PLAGL1: variants seen among roughly 807,000 people sequenced by gnomAD.
PLAGL1 encodes zinc finger protein PLAGL1.
Under a neutral mutation model 4.6 loss-of-function variants are expected in PLAGL1, and 1 was observed. That is an observed-to-expected ratio of 0.22 (90% CI 0.08 to 1.03). The LOEUF is 1.03. Ranked by LOEUF, PLAGL1 falls within the 50% of genes least tolerant of loss-of-function variation. The pLI is 0.58. For synonymous variants in PLAGL1, 240 were observed against 237.8 expected (o/e 1.01, Z -0.08); for missense variants, 464 against 570.4 (o/e 0.81, Z 1.90).
In PLAGL1 at chr6:144,048,510, C is replaced by T. The variant is rs1368785886; in HGVS notation, c.-151+15958G>A. Among the ~76,000 whole-genome samples the T allele has an allele frequency of 6.6e-6, 1 of 152,238 alleles. No homozygotes were observed. Among genetic ancestry groups the T allele is most frequent in the East Asian group, 1.9e-4 (1 of 5,206 alleles). On this transcript the variant is annotated intron_variant, in intron 1 of 3. Transcript: ENST00000437412. This position sits in a 1 kb window ranked among gnomAD's most constrained non-coding sequence, Gnocchi z 4.8. Reference sequence around the variant, plus strand: ...GAGGTTCCCAAACCTTGATTCTTGACTTCTGTGCACCCTCAGACCCAACAC... The same window carrying T: ...GAGGTTCCCAAACCTTGATTCTTGATTTCTGTGCACCCTCAGACCCAACAC...
intron 1 of PLAGL1, among the ~76,000 whole-genome samples, chr6:144,017,231 A>G (rs190411306): frequency 5.9e-5 from 9 of 152,254 alleles, no homozygotes; most frequent in East Asian, 1.9e-4. Context: ...CTTCTGGCCA[A>G]ACTACCTCTT....
rs377306571 is a variant in PLAGL1 at position 143,941,986 on chromosome 6, G to A, written c.830C>T (p.Pro277Leu). 2.4e-5 allele frequency: 38 copies of A among 1,592,700 alleles called. No homozygotes were observed. Among genetic ancestry groups the A allele is most frequent in the East Asian group, 1.6e-4 (7 of 44,692 alleles). ...PPEQAAQPMQ[P>L]LPESLASLHP... ...GAGGGAGGCCAGGGACTCTGGCAGC[G>A]GCTGCATAGGCTGGGCGGCTTGTTC... The change falls in exon 8 of 8, where the codon CCG (proline) becomes CTG (leucine). Residue 277 changes from proline (P) to leucine (L), a missense_variant. Transcript: ENST00000674357. This position sits in a 1 kb window ranked among gnomAD's most constrained non-coding sequence, Gnocchi z 6.0.
rs773142150 is a variant in PLAGL1 at position 144,061,205 on chromosome 6, A to G, written c.-151+3263T>C. The stretch of plus-strand genomic sequence containing the variant: ...CACAACAGCCAGAAGAGAGCCAACC[A>G]TAGCATGGAGCAGAAGAAACACGCA... On this transcript the variant is annotated intron_variant, in intron 1 of 3. Transcript: ENST00000437412. This position sits in a 1 kb window ranked among gnomAD's most constrained non-coding sequence, Gnocchi z 4.4. 6.6e-6 allele frequency among the ~76,000 whole-genome samples: 1 copy of G among 152,258 alleles called. No individual in the cohort carries two copies. Among genetic ancestry groups the G allele is most frequent in the Non-Finnish European group, 1.5e-5 (1 of 68,036 alleles).
At chr6:143,992,870 C>T (rs1790769299) in intron 1 of PLAGL1, among the ~76,000 whole-genome samples, 1 of 151,304 alleles carries the variant, frequency 6.6e-6, no homozygotes, top group South Asian at 2.1e-4. Context: ...CCCAGCTACT[C>T]GGGAAGCTGA....
At position 143,962,273 on chromosome 6, in the gene PLAGL1, T is replaced by C. The variant is rs1313585255; in HGVS notation, c.-398-1731A>G. Among the ~76,000 whole-genome samples the C allele has an allele frequency of 6.6e-6, 1 of 152,228 alleles. No individual in the cohort carries two copies. The highest frequency in any genetic ancestry group is 1.9e-4 in the East Asian group (1 of 5,200). The stretch of plus-strand genomic sequence containing the variant: ...ACATCTCAGTTTGACAGGATGCTAC[T>C]TGCAGATTGCTTTTCAGGTCAGAAT... On this transcript the variant is annotated intron_variant, in intron 5 of 7. Transcript: ENST00000674357. This position sits in a 1 kb window ranked among gnomAD's most constrained non-coding sequence, Gnocchi z 5.3.
chr6:144,039,448 T>G lies in PLAGL1; in HGVS notation c.-151+25020A>C, dbSNP rs1797546648. Among the ~76,000 whole-genome samples the G allele has an allele frequency of 1.3e-5, 2 of 152,126 alleles. No individual in the cohort carries two copies. The highest frequency in any genetic ancestry group is 4.1e-4 in the South Asian group (2 of 4,826). On this transcript the variant is annotated intron_variant, in intron 1 of 3. Transcript: ENST00000437412. The surrounding 1 kb of genome is among the most constrained non-coding windows in gnomAD (Gnocchi z 4.1). ...AAAAAATACAAAAATTAGCTGGGCA[T>G]GTTGGCACATGCTTGTAATCCCAGC...
intron 1 of PLAGL1, among the ~76,000 whole-genome samples, chr6:144,029,408 A>G (rs1055247501): frequency 2.6e-5 from 4 of 152,246 alleles, no homozygotes; most frequent in Admixed American, 2.0e-4. Context: ...TTCACAATAA[A>G]GGGCTAATTT....
chr6:144,054,584 A>G (rs1022186348), intron 1 of PLAGL1, among the ~76,000 whole-genome samples: 3 of 152,126 alleles, frequency 2.0e-5, no homozygotes, highest in East Asian at 1.9e-4. Flanking sequence ...AACAACACAC[A>G]CTGTGGCCTG....
At chr6:144,033,348 A>C (rs1796972760) in intron 1 of PLAGL1, among the ~76,000 whole-genome samples, 1 of 152,246 alleles carries the variant, frequency 6.6e-6, no homozygotes, top group African/African-American at 2.4e-5. Flanking sequence ...TCAGGGCAGC[A>C]ATAGAAAACT....
chr6:144,021,349 C>T (rs1272658107), intron 1 of PLAGL1, among the ~76,000 whole-genome samples: 1 of 152,146 alleles, frequency 6.6e-6, no homozygotes, highest in Non-Finnish European at 1.5e-5. Flanking sequence ...ATTGGGCTAA[C>T]ATTAACATCT....
In PLAGL1 at chr6:143,972,026, G is replaced by C. The variant is rs1321643497; in HGVS notation, c.-543-3048C>G. Among the ~76,000 whole-genome samples the C allele has an allele frequency of 6.6e-6, 1 of 152,198 alleles. No homozygotes were observed. The highest frequency in any genetic ancestry group is 2.4e-5 in the African/African-American group (1 of 41,446). Reference sequence around the variant, plus strand: ...GACAAACTTGCTAAAGCAAAAAAGGGCATAATAGTTCTCTGCAGAGGAAGA... The same window carrying C: ...GACAAACTTGCTAAAGCAAAAAAGGCCATAATAGTTCTCTGCAGAGGAAGA... On this transcript the variant is annotated intron_variant, in intron 2 of 7. Transcript: ENST00000674357. The surrounding 1 kb of genome is among the most constrained non-coding windows in gnomAD (Gnocchi z 6.8).
intron 1 of PLAGL1, among the ~76,000 whole-genome samples, chr6:144,038,297 T>G (rs996123493): frequency 3.3e-5 from 5 of 152,238 alleles, no homozygotes; most frequent in African/African-American, 9.6e-5. Flanking sequence ...CTATCAAGAT[T>G]TTGGTTAATT....
At position 143,966,819 on chromosome 6, in the gene PLAGL1, C is replaced by T. The variant is rs1407844830; in HGVS notation, c.-471-621G>A. 6.6e-6 allele frequency: 1 copy of T among 152,180 alleles called. No homozygotes were observed. The highest frequency in any genetic ancestry group is 1.5e-5 in the Non-Finnish European group (1 of 68,028). The allele number at this position is 152,180 out of a possible 1,614,324, so 9.4% of individuals were successfully genotyped here. A position where few individuals can be genotyped will look rare whatever the true frequency, so the allele number is the denominator to read the frequency against. ...CTCCTATGTTATGATCCCCGCCTCC[C>T]TTCATCCCCCACTGCTTTCATTTTA... On this transcript the variant is annotated intron_variant, in intron 3 of 7. Coordinates refer to ENST00000674357, the MANE Select transcript of PLAGL1 (RefSeq NM_001317162.2). This position sits in a 1 kb window ranked among gnomAD's most constrained non-coding sequence, Gnocchi z 6.0.
In PLAGL1 at chr6:144,064,568, G is replaced by A. The variant is rs1466550906; in HGVS notation, c.-251C>T. ...GGGTCCGGGCGGCCGCTGGGCGTGC[G>A]GCGCAGCTCCGACTCGGCGGCGCGG... On this transcript the variant is annotated 5_prime_UTR_variant, in exon 1 of 4. Transcript: ENST00000437412. The surrounding 1 kb of genome is among the most constrained non-coding windows in gnomAD (Gnocchi z 6.8). 1.3e-5 allele frequency: 2 copies of A among 152,192 alleles called. No homozygotes were observed. Among genetic ancestry groups the A allele is most frequent in the African/African-American group, 2.4e-5 (1 of 41,446 alleles). 9.4% of individuals were successfully genotyped at this position (152,192 alleles called of 1,614,324 possible).
chr6:144,027,283 G>C lies in PLAGL1; in HGVS notation c.-151+37185C>G. Among the ~76,000 whole-genome samples, 1 of 146,176 alleles carries C rather than the reference G, an allele frequency of 6.8e-6. No individual in the cohort carries two copies. Among genetic ancestry groups the C allele is most frequent in the East Asian group, 1.9e-4 (1 of 5,134 alleles). On this transcript the variant is annotated intron_variant, in intron 1 of 3. Coordinates refer to the PLAGL1 transcript ENST00000437412. This position sits in a 1 kb window ranked among gnomAD's most constrained non-coding sequence, Gnocchi z 5.8. ...AGAAAGAAAGAAAGAAAGAAAGAAAGAAAGAAAGAAAGTTATTTGATCTGA... is the reference window on the plus strand; with the variant it reads ...AGAAAGAAAGAAAGAAAGAAAGAAACAAAGAAAGAAAGTTATTTGATCTGA...
intron 1 of PLAGL1, among the ~76,000 whole-genome samples, chr6:144,047,351 T>G (rs1798242612): frequency 6.6e-6 from 1 of 152,138 alleles, no homozygotes; most frequent in Non-Finnish European, 1.5e-5. Context: ...ATTCCAACTA[T>G]TTACCTACCT....
intron 1 of PLAGL1, among the ~76,000 whole-genome samples, chr6:144,023,078 T>C (rs961205593): frequency 2.6e-5 from 4 of 152,222 alleles, no homozygotes; most frequent in East Asian, 1.9e-4. Flanking sequence ...TATTAATTCA[T>C]GCAACACCAT....
Position 143,965,766 on chromosome 6 carries a change from T to C in PLAGL1, c.-431+392A>G, listed in dbSNP as rs898063111. On this transcript the variant is annotated intron_variant, in intron 4 of 7. Transcript: ENST00000674357. The surrounding 1 kb of genome is among the most constrained non-coding windows in gnomAD (Gnocchi z 7.5). ...CAAGGGTCTAGCCTTGGTTGGCACA[T>C]GCTTCCCTTGTCACACCAGACAGGT... is the stretch of plus-strand genomic sequence containing the variant. 8 of 152,192 alleles carry C rather than the reference T, an allele frequency of 5.3e-5. No homozygotes were observed. The highest frequency in any genetic ancestry group is 1.9e-4 in the African/African-American group (8 of 41,446). 9.4% of individuals were successfully genotyped at this position (152,192 alleles called of 1,614,324 possible).
At position 143,985,877 on chromosome 6, in the gene PLAGL1, G is replaced by GCTACATAT. The variant is rs1469387320; in HGVS notation, c.-583-711_-583-704dup. Among the ~76,000 whole-genome samples, 1 of 146,742 alleles carries GCTACATAT rather than the reference G, an allele frequency of 6.8e-6. No individual in the cohort carries two copies. The highest frequency in any genetic ancestry group is 1.5e-5 in the Non-Finnish European group (1 of 67,142). Reference sequence around the variant, plus strand: ...CCTCTGAGTGCTTACCATCGGCCAAGCTACATATTATATATTATTATGTGT... The same window carrying GCTACATAT: ...CCTCTGAGTGCTTACCATCGGCCAAGCTACATATCTACATATTATATATTATTATGTGT... On this transcript the variant is annotated intron_variant, in intron 1 of 7. Coordinates refer to ENST00000674357, the MANE Select transcript of PLAGL1 (RefSeq NM_001317162.2). The surrounding 1 kb of genome is among the most constrained non-coding windows in gnomAD (Gnocchi z 4.4).
Sources: allele counts gnomAD v4.1 joint callset (sites outside exome capture counted in the v4.1 genomes callset), GRCh38; gene constraint gnomAD v4.1.1; non-coding constraint Gnocchi (gnomAD v3.1); transcripts MANE v1.5; gene names NCBI Gene and HGNC (gene_info 2026-07-23, HGNC 2026-07-21).